Variants in NPSR1 observed in about 807,000 individuals in gnomAD.
NPSR1 encodes the protein neuropeptide S receptor.
A neutral mutation model predicts 46.9 loss-of-function variants in NPSR1; 48 were observed. The ratio of observed to expected loss-of-function variants is 1.02; its 90% CI spans 0.81 to 1.30. The LOEUF is 1.30. Ranked by LOEUF, NPSR1 falls within the 50% of genes most tolerant of loss-of-function variation. The pLI, the probability that NPSR1 is intolerant of heterozygous loss-of-function variation, is 0.00. For missense variants in NPSR1, 450 were observed against 449.5 expected (o/e 1.00, Z -0.01); for synonymous variants, 176 against 168.1 (o/e 1.05, Z -0.36).
chr7:34,828,986 A>C (rs1026241453), intron 5 of NPSR1, among the ~76,000 whole-genome samples: 1 of 152,350 alleles, frequency 6.6e-6, no homozygotes, highest in East Asian at 1.9e-4. Context: ...AAGAGTTTAA[A>C]AAGTATTTCA....
At chr7:34,688,463 C>G (rs1201299848) in intron 2 of NPSR1, among the ~76,000 whole-genome samples, 1 of 152,210 alleles carries the variant, frequency 6.6e-6, no homozygotes, top group Non-Finnish European at 1.5e-5. Flanking sequence ...GTCCTATCTC[C>G]AGGCTTTTGG....
At chr7:34,688,042 C>G (rs10255950) in intron 2 of NPSR1, among the ~76,000 whole-genome samples, 1 of 152,136 alleles carries the variant, frequency 6.6e-6, no homozygotes, top group Non-Finnish European at 1.5e-5. Flanking sequence ...CTTTGATAAA[C>G]ATTCCAGGGT....
chr7:34,776,163 T>C (rs1453780982), intron 2 of NPSR1, among the ~76,000 whole-genome samples: 1 of 152,204 alleles, frequency 6.6e-6, no homozygotes, highest in African/African-American at 2.4e-5. Context: ...TATAGTCTAC[T>C]CTTGAGAATG....
intron 1 of NPSR1, among the ~76,000 whole-genome samples, chr7:34,670,048 C>T (rs942682394): frequency 6.6e-6 from 1 of 152,098 alleles, no homozygotes; most frequent in African/African-American, 2.4e-5. Context: ...CAATTCTCCC[C>T]AAATTAGCAT....
intron 3 of NPSR1, among the ~76,000 whole-genome samples, chr7:34,797,899 C>G (rs576057531): frequency 6.6e-6 from 1 of 152,060 alleles, no homozygotes; most frequent in African/African-American, 2.4e-5. Context: ...GAATACAAAT[C>G]CCCCTGACCT....
intron 2 of NPSR1, among the ~76,000 whole-genome samples, chr7:34,723,806 C>T (rs922860911): frequency 1.6e-4 from 25 of 152,190 alleles, no homozygotes; most frequent in African/African-American, 6.0e-4. Flanking sequence ...GCACCCCGCT[C>T]AGCACTTTTT....
intron 8 of NPSR1, among the ~76,000 whole-genome samples, chr7:34,869,620 C>T (rs1319481933): frequency 3.9e-5 from 6 of 151,920 alleles, no homozygotes; most frequent in Middle Eastern, 6.8e-3. Context: ...AGTCTACACA[C>T]ATTATAGGCC....
intron 8 of NPSR1, among the ~76,000 whole-genome samples, chr7:34,869,815 A>T (rs1322925839): frequency 6.6e-6 from 1 of 151,798 alleles, no homozygotes; most frequent in Non-Finnish European, 1.5e-5. Flanking sequence ...TTCTGCATTC[A>T]GTGGTGTGGG....
At chr7:34,716,461 C>T (rs547648381) in intron 2 of NPSR1, among the ~76,000 whole-genome samples, 20 of 152,278 alleles carry the variant, frequency 1.3e-4, no homozygotes, top group African/African-American at 4.6e-4. Context: ...TTCAAATCCT[C>T]GTTCTCCTGC....
intron 4 of NPSR1, among the ~76,000 whole-genome samples, chr7:34,820,752 T>C (rs1162892293): frequency 1.3e-5 from 2 of 152,100 alleles, no homozygotes; most frequent in Admixed American, 1.3e-4. Flanking sequence ...AGCTTCCAGA[T>C]TATAGTTAGA....
At chr7:34,863,803 G>A (rs181782393) in intron 8 of NPSR1, among the ~76,000 whole-genome samples, 1 of 151,818 alleles carries the variant, frequency 6.6e-6, no homozygotes, top group East Asian at 1.9e-4. Flanking sequence ...CAACCATTGT[G>A]GAAGACAGTG....
At chr7:34,717,506 AG>A (rs1419506491) in intron 2 of NPSR1, among the ~76,000 whole-genome samples, 9 of 152,162 alleles carry the variant, frequency 5.9e-5, no homozygotes, top group Non-Finnish European at 1.2e-4. Context: ...GGGTTAGATG[AG>A]GGGGAAATGT....
intron 2 of NPSR1, among the ~76,000 whole-genome samples, chr7:34,703,234 G>A (rs1396514017): frequency 6.6e-6 from 1 of 152,102 alleles, no homozygotes; most frequent in Non-Finnish European, 1.5e-5. Context: ...TGGCGGGCGC[G>A]ATGGCAGGCG....
At chr7:34,750,124 A>G (rs1255989378) in intron 2 of NPSR1, 6 of 266,690 alleles carry the variant, frequency 2.2e-5, no homozygotes, top group Non-Finnish European at 4.1e-5. Flanking sequence ...AAGATCGTGT[A>G]TGTATTTTTT....
At chr7:34,698,842 T>A (rs1232670692) in intron 2 of NPSR1, among the ~76,000 whole-genome samples, 2 of 152,162 alleles carry the variant, frequency 1.3e-5, no homozygotes, top group African/African-American at 4.8e-5. Flanking sequence ...CCTAATGTGT[T>A]TATTATTGTT....
Position 34,756,004 on chromosome 7 carries a change from G to A in NPSR1, c.281-22458G>A, listed in dbSNP as rs57124911. Among the ~76,000 whole-genome samples, 41 of 152,282 alleles carry A rather than the reference G, an allele frequency of 2.7e-4. No homozygotes were observed. The East Asian group carries it at 7.5e-3, about 28-fold the overall frequency. The stretch of plus-strand genomic sequence containing the variant: ...TACAACTAGCAAGTAGGGAATCACA[G>A]TACAAATACAGGTCTCTGAATATAA... On this transcript the variant is annotated intron_variant, in intron 2 of 8. Coordinates refer to ENST00000360581, the MANE Select transcript of NPSR1 (RefSeq NM_207172.2).
intron 1 of NPSR1, among the ~76,000 whole-genome samples, chr7:34,675,711 A>G (rs1792280538): frequency 6.6e-6 from 1 of 152,200 alleles, no homozygotes; most frequent in African/African-American, 2.4e-5. Context: ...CCATCATCAA[A>G]GGAACCCTGC....
At chr7:34,707,394 C>T (rs1333696649) in intron 2 of NPSR1, among the ~76,000 whole-genome samples, 2 of 152,166 alleles carry the variant, frequency 1.3e-5, no homozygotes, top group Admixed American at 1.3e-4. Context: ...AAATAGCTGG[C>T]TTCTGGCCCA....
At chr7:34,737,017 T>C (rs34709372) in intron 2 of NPSR1, among the ~76,000 whole-genome samples, 51,313 of 151,372 alleles carry the variant, frequency 0.34, 8,873 homozygotes, top group East Asian at 0.44. Flanking sequence ...TCTAACTTTT[T>C]AGCACCTCCT....
Sources: allele counts gnomAD v4.1 joint callset (sites outside exome capture counted in the v4.1 genomes callset), GRCh38; gene constraint gnomAD v4.1.1; transcripts MANE v1.5; gene names NCBI Gene and HGNC (gene_info 2026-07-23, HGNC 2026-07-21).